Variants in XIRP2 observed in about 807,000 individuals in gnomAD.
XIRP2 encodes xin actin binding repeat containing 2, also known as xin actin-binding repeat-containing protein 2.
In XIRP2, 236 loss-of-function variants were observed where a neutral mutation model predicts 277.0. That is an observed-to-expected ratio of 0.85 (90% CI 0.77 to 0.95). XIRP2 has a LOEUF of 0.95. Among genes scored for constraint, XIRP2 ranks in the 40% least tolerant of loss-of-function variants. XIRP2 has a pLI of 0.00. For missense variants in XIRP2, 4,640 were observed against 4,157.5 expected, an observed-to-expected ratio of 1.12 and a Z score of -3.19; for synonymous variants, 1,490 against 1,416.5, an observed-to-expected ratio of 1.05 and a Z score of -1.17.
chr2:167,061,827 C>G (rs1234945012), intron 2 of XIRP2, among the ~76,000 whole-genome samples: 1 of 151,948 alleles, frequency 6.6e-6, no homozygotes. Flanking sequence ...TCCCTTCGAG[C>G]TTACAGAGAA....
chr2:167,155,292 A>T (rs1241967923), intron 3 of XIRP2, among the ~76,000 whole-genome samples: 2 of 152,008 alleles, frequency 1.3e-5, no homozygotes, highest in African/African-American at 4.8e-5. Context: ...AGACACAACC[A>T]AAAAGGAGAA....
chr2:167,156,307 A>G (rs1006552910), intron 3 of XIRP2, among the ~76,000 whole-genome samples: 1 of 152,206 alleles, frequency 6.6e-6, no homozygotes, highest in East Asian at 1.9e-4. Flanking sequence ...CTAAGCTAAA[A>G]TAGTAAAGTT....
At chr2:167,126,194 C>G (rs1049644058) in intron 2 of XIRP2, among the ~76,000 whole-genome samples, 4 of 134,374 alleles carry the variant, frequency 3.0e-5, no homozygotes, top group African/African-American at 1.4e-4. Context: ...CTCTCTCTCT[C>G]TCTCACACTC....
At chr2:167,060,651 T>C (rs2105239350) in intron 2 of XIRP2, among the ~76,000 whole-genome samples, 1 of 152,300 alleles carries the variant, frequency 6.6e-6, no homozygotes, top group Middle Eastern at 3.4e-3. Context: ...ATCATCTATG[T>C]TTGGATCCAT....
intron 3 of XIRP2, among the ~76,000 whole-genome samples, chr2:167,154,258 T>G (rs1692114877): frequency 1.3e-5 from 2 of 150,010 alleles, no homozygotes; most frequent in Non-Finnish European, 3.0e-5. Flanking sequence ...TGGGGTTGTT[T>G]GTTTTTTTCT....
intron 2 of XIRP2, among the ~76,000 whole-genome samples, chr2:167,009,388 A>G (rs939891654): frequency 4.6e-5 from 7 of 151,962 alleles, no homozygotes; most frequent in Non-Finnish European, 1.0e-4. Flanking sequence ...TACAAAGGAC[A>G]TGAACTCATC....
intron 8 of XIRP2, 133 bp from the exon 9 acceptor site, chr2:167,242,436 T>G: frequency 3.5e-6 from 3 of 854,932 alleles, no homozygotes; most frequent in Non-Finnish European, 3.5e-6. Context: ...GGTCTTTAAA[T>G]GAGTATATCA....
intron 2 of XIRP2, among the ~76,000 whole-genome samples, chr2:166,968,358 T>A (rs2105416517): frequency 7.6e-6 from 1 of 130,964 alleles, no homozygotes; most frequent in East Asian, 2.8e-4. Context: ...TGTCTGATCA[T>A]GAAAAATTTA....
At chr2:167,176,676 T>G (rs927419781) in intron 3 of XIRP2, among the ~76,000 whole-genome samples, 1 of 152,190 alleles carries the variant, frequency 6.6e-6, no homozygotes, top group Non-Finnish European at 1.5e-5. Context: ...ATATTTATTT[T>G]GTAAGGTTGT....
At chr2:167,147,258 T>C (rs1174228383) in intron 3 of XIRP2, among the ~76,000 whole-genome samples, 1 of 152,172 alleles carries the variant, frequency 6.6e-6, no homozygotes, top group Admixed American at 6.5e-5. Context: ...ATAGGCAGTA[T>C]GGAGGAAAGG....
In XIRP2 at chr2:166,936,857, G is replaced by T. The variant is rs539650791; in HGVS notation, c.408+32967G>T. On this transcript the variant is annotated intron_variant, in intron 2 of 10. Transcript: ENST00000409195. ...GAAGTCAGGTAGCATGATGCCTCCAGCCTTGTTCTTTTGGCTTAGGATTGT... is the reference window on the plus strand; with the variant it reads ...GAAGTCAGGTAGCATGATGCCTCCATCCTTGTTCTTTTGGCTTAGGATTGT... Among the ~76,000 whole-genome samples the T allele has an allele frequency of 2.6e-5, 4 of 152,260 alleles. No individual in the cohort carries two copies. In the East Asian group the frequency reaches 7.7e-4, roughly 29 times the overall value.
At chr2:166,943,509 G>A (rs551562628) in intron 2 of XIRP2, among the ~76,000 whole-genome samples, 2 of 152,280 alleles carry the variant, frequency 1.3e-5, no homozygotes, top group East Asian at 1.9e-4. Flanking sequence ...ATCACCACTC[G>A]TCTTCATATA....
At chr2:167,252,587 C>T (rs140242108) in intron 9 of XIRP2, among the ~76,000 whole-genome samples, 1 of 152,030 alleles carries the variant, frequency 6.6e-6, no homozygotes, top group Admixed American at 6.6e-5. Context: ...CAACCTCATT[C>T]ACAAATGAGC....
chr2:166,912,171 G>A (rs1558913257), intron 2 of XIRP2, among the ~76,000 whole-genome samples: 2 of 152,192 alleles, frequency 1.3e-5, no homozygotes, highest in East Asian at 3.9e-4. Context: ...CTAGGTTGGG[G>A]AAGTTCTCCT....
At chr2:166,970,946 A>G (rs991366642) in intron 2 of XIRP2, among the ~76,000 whole-genome samples, 1 of 151,984 alleles carries the variant, frequency 6.6e-6, no homozygotes, top group Non-Finnish European at 1.5e-5. Context: ...AACTCAATAT[A>G]TGGCTAGGTA....
At chr2:167,227,079 G>T (rs1212028159) in intron 5 of XIRP2, among the ~76,000 whole-genome samples, 2 of 152,190 alleles carry the variant, frequency 1.3e-5, no homozygotes, top group African/African-American at 4.8e-5. Context: ...ACAAACATAA[G>T]GCAGGATTTG....
rs772444441 is a variant in XIRP2, at chr2:166,903,765, G to T, written c.283G>T (p.Val95Leu). 4 of 1,613,704 alleles carry T rather than the reference G, an allele frequency of 2.5e-6. No homozygotes were observed. The Admixed American group carries it at 6.7e-5, about 27-fold the overall frequency. The change falls in exon 2 of 11, where the codon GTG becomes TTG. Residue 95 changes from valine to leucine, a missense_variant. By Grantham distance (32) the Val-to-Leu change is conservative. Transcript: ENST00000409195. ...NNTREYGRPE[V>L]LKEDSLSSRR... Reference sequence around the variant, plus strand: ...CACCAGGGAATATGGTCGGCCAGAAGTGCTGAAGGAGGATTCCCTGAGCAG... The same window carrying T: ...CACCAGGGAATATGGTCGGCCAGAATTGCTGAAGGAGGATTCCCTGAGCAG...
chr2:166,894,286 C>CAAATT (rs1684184046), intron 1 of XIRP2, among the ~76,000 whole-genome samples: 1 of 151,892 alleles, frequency 6.6e-6, no homozygotes, highest in South Asian at 2.1e-4. Flanking sequence ...ACTTACAAAT[C>CAAATT]CTCTCTCTGA....
In XIRP2 at chr2:167,248,119, G is replaced by A; in HGVS notation, c.6727G>A (p.Glu2243Lys). The A allele has an allele frequency of 6.2e-7, 1 of 1,613,254 alleles. No individual in the cohort carries two copies. The highest frequency in any genetic ancestry group is 8.5e-7 in the Non-Finnish European group (1 of 1,179,718). The change falls in exon 9 of 11, where the codon GAG becomes AAG. Residue 2243 changes from glutamate to lysine, a missense_variant. Transcript: ENST00000409195. ...NTFKATNKKR[E>K]TDVHLKSQDF... ...ATTTAAGGCAACCAACAAAAAGCGG[G>A]AGACTGATGTTCACTTGAAAAGCCA...
Sources: gnomAD v4.1 joint callset for allele counts (sites outside exome capture counted in the v4.1 genomes callset) on GRCh38, gnomAD v4.1.1 for gene constraint, MANE v1.5 for transcripts, NCBI Gene and HGNC (gene_info 2026-07-23, HGNC 2026-07-21) for gene names.